Variants in LRRC4C observed in about 807,000 individuals in gnomAD.
LRRC4C encodes leucine-rich repeat-containing protein 4C.
LRRC4C carries 5 observed loss-of-function variants against 33.6 expected under a neutral mutation model. The ratio of observed to expected loss-of-function variants is 0.15; its 90% CI spans 0.08 to 0.31. LRRC4C has a LOEUF of 0.31. Ranked by LOEUF, LRRC4C falls within the 10% of genes least tolerant of loss-of-function variation. The pLI, the probability that LRRC4C is intolerant of heterozygous loss-of-function variation, is 1.00. For missense variants in LRRC4C, 560 were observed against 796.7 expected (o/e 0.70, Z 3.58); for synonymous variants, 329 against 302.0 (o/e 1.09, Z -0.93).
intron 1 of LRRC4C, among the ~76,000 whole-genome samples, chr11:41,356,286 T>G (rs757360492): frequency 1.8e-4 from 27 of 152,166 alleles, no homozygotes; most frequent in Non-Finnish European, 3.5e-4. Context: ...CAATTTGCCC[T>G]CTTGATTTTA....
chr11:41,253,542 A>T (rs1271241552), intron 1 of LRRC4C, among the ~76,000 whole-genome samples: 1 of 152,090 alleles, frequency 6.6e-6, no homozygotes, highest in Non-Finnish European at 1.5e-5. Flanking sequence ...ATAATAGGCT[A>T]AAAGTCTTGA....
At chr11:40,812,995 A>C (rs1025530727) in intron 2 of LRRC4C, among the ~76,000 whole-genome samples, 1 of 152,190 alleles carries the variant, frequency 6.6e-6, no homozygotes, top group Admixed American at 6.5e-5. Context: ...TAACATCTTG[A>C]AATACATGAT....
At chr11:40,763,866 C>T (rs1949336093) in intron 2 of LRRC4C, among the ~76,000 whole-genome samples, 1 of 152,150 alleles carries the variant, frequency 6.6e-6, no homozygotes, top group Non-Finnish European at 1.5e-5. Flanking sequence ...TCTAAATAAA[C>T]AAGAAAGGCA....
At chr11:40,574,004 G>T (rs1041593824) in intron 3 of LRRC4C, among the ~76,000 whole-genome samples, 3 of 152,110 alleles carry the variant, frequency 2.0e-5, no homozygotes, top group Admixed American at 2.0e-4. Context: ...TTTGATTACG[G>T]TGTTAAAGTA....
At chr11:40,954,449 A>G (rs1485404012) in intron 1 of LRRC4C, among the ~76,000 whole-genome samples, 1 of 151,832 alleles carries the variant, frequency 6.6e-6, no homozygotes, top group African/African-American at 2.4e-5. Flanking sequence ...TCCAATCATA[A>G]AGACCAACCT....
At chr11:41,233,837 T>C (rs1196249570) in intron 1 of LRRC4C, among the ~76,000 whole-genome samples, 1 of 152,096 alleles carries the variant, frequency 6.6e-6, no homozygotes, top group Non-Finnish European at 1.5e-5. Flanking sequence ...TAGACTTTGC[T>C]ATTTTAACAA....
intron 2 of LRRC4C, among the ~76,000 whole-genome samples, chr11:40,773,230 T>G (rs1040295946): frequency 6.6e-6 from 1 of 151,688 alleles, no homozygotes; most frequent in Non-Finnish European, 1.5e-5. Context: ...CACTGGGGAG[T>G]GAGAATGGTT....
chr11:40,760,397 T>C (rs1404320447), intron 2 of LRRC4C, among the ~76,000 whole-genome samples: 2 of 137,340 alleles, frequency 1.5e-5, no homozygotes, highest in East Asian at 2.0e-4. Context: ...AAATATTTAC[T>C]ATTTGGTCCT....
chr11:41,301,949 C>T (rs1215802462), intron 1 of LRRC4C, among the ~76,000 whole-genome samples: 1 of 152,078 alleles, frequency 6.6e-6, no homozygotes, highest in African/African-American at 2.4e-5. Flanking sequence ...TACTCTATAC[C>T]ATTATTTTTA....
chr11:40,451,863 G>A (rs987072585), intron 3 of LRRC4C, among the ~76,000 whole-genome samples: 4 of 152,170 alleles, frequency 2.6e-5, no homozygotes, highest in African/African-American at 4.8e-5. Flanking sequence ...CAGTGTGAGC[G>A]ATGCAGAAGA....
chr11:40,230,039 A>G (rs1400499631), intron 5 of LRRC4C, among the ~76,000 whole-genome samples: 1 of 152,162 alleles, frequency 6.6e-6, no homozygotes, highest in African/African-American at 2.4e-5. Context: ...TTTCTCATCC[A>G]CATCCTTGGC....
intron 5 of LRRC4C, among the ~76,000 whole-genome samples, chr11:40,232,139 C>T (rs1472101583): frequency 1.3e-5 from 2 of 152,102 alleles, no homozygotes; most frequent in East Asian, 1.9e-4. Context: ...CCCAAGTAGC[C>T]GAGATTACAG....
intron 1 of LRRC4C, among the ~76,000 whole-genome samples, chr11:41,278,514 C>A (rs566195002): frequency 1.3e-5 from 2 of 152,084 alleles, no homozygotes; most frequent in Non-Finnish European, 2.9e-5. Context: ...CAATTTAAAT[C>A]GATAAATAAA....
chr11:40,209,902 A>C (rs1211547430), intron 5 of LRRC4C, among the ~76,000 whole-genome samples: 2 of 152,188 alleles, frequency 1.3e-5, no homozygotes, highest in Admixed American at 6.5e-5. Context: ...ATTTCAAAGG[A>C]GATGCCTTGA....
At chr11:40,377,955 G>A (rs897647217) in intron 3 of LRRC4C, among the ~76,000 whole-genome samples, 2 of 152,036 alleles carry the variant, frequency 1.3e-5, no homozygotes, top group African/African-American at 4.8e-5. Flanking sequence ...AGTACAAAAT[G>A]TCAATACTAC....
chr11:40,592,784 AAAGGTAAATAGCAGTCTT>A (rs1959116098), intron 3 of LRRC4C, among the ~76,000 whole-genome samples: 1 of 152,202 alleles, frequency 6.6e-6, no homozygotes. Flanking sequence ...TGATCTAGTG[AAAGGTAAATAGCAGTCTT>A]ATTACCTGAA....
At chr11:40,812,115 T>A (rs1951517076) in intron 2 of LRRC4C, among the ~76,000 whole-genome samples, 1 of 152,236 alleles carries the variant, frequency 6.6e-6, no homozygotes, top group South Asian at 2.1e-4. Flanking sequence ...TTTTGTTAGC[T>A]TATGTTACAA....
At chr11:40,736,588 C>T (rs1454394642) in intron 2 of LRRC4C, among the ~76,000 whole-genome samples, 1 of 152,268 alleles carries the variant, frequency 6.6e-6, no homozygotes, top group Non-Finnish European at 1.5e-5. Flanking sequence ...GGAATCACCA[C>T]ACCATCTTCC....
At chr11:40,900,451 T>C (rs1045782190) in intron 2 of LRRC4C, among the ~76,000 whole-genome samples, 9 of 152,210 alleles carry the variant, frequency 5.9e-5, no homozygotes, top group Non-Finnish European at 8.8e-5. Flanking sequence ...ATTGTGCTAA[T>C]TGCCACTAGG....
Sources: gnomAD v4.1 joint callset for allele counts (sites outside exome capture counted in the v4.1 genomes callset) on GRCh38, gnomAD v4.1.1 for gene constraint, MANE v1.5 for transcripts, NCBI Gene and HGNC (gene_info 2026-07-23, HGNC 2026-07-21) for gene names.